The following FAAH2 variants were observed in gnomAD, a reference collection of about 807,000 sequenced individuals.
FAAH2 encodes fatty acid amide hydrolase 2.
FAAH2 carries 60 observed loss-of-function variants against 36.9 expected under a neutral mutation model. The observed-to-expected ratio is 1.63, with a 90% CI of 1.32 to 2.02. The LOEUF is 2.02. Ranked by LOEUF, FAAH2 falls within the 30% of genes most tolerant of loss-of-function variation. FAAH2 has a pLI of 0.00. For missense variants in FAAH2, 689 were observed against 397.5 expected (o/e 1.73, Z -6.23); for synonymous variants, 214 against 143.8 (o/e 1.49, Z -3.49).
intron 3 of FAAH2, among the ~76,000 whole-genome samples, chrX:57,322,865 G>C (rs995055232): frequency 9.2e-6 from 1 of 108,931 alleles, no homozygotes; most frequent in Admixed American, 9.9e-5. Context: ...TAAGTTTTAG[G>C]GTACAGGTGC....
At chrX:57,318,688 T>G (rs1486509190) in intron 3 of FAAH2, among the ~76,000 whole-genome samples, 1 of 111,764 alleles carries the variant, frequency 8.9e-6, no homozygotes, top group Non-Finnish European at 1.9e-5. Flanking sequence ...AGCATCGTCC[T>G]GATAACAAAC....
the FAAH2 span, among the ~76,000 whole-genome samples, chrX:57,174,209 GA>G: frequency 9.2e-6 from 1 of 108,191 alleles, no homozygotes; most frequent in Non-Finnish European, 1.9e-5. Context: ...CTAGCCCCGA[GA>G]TTTTTTTTTT....
chrX:57,458,567 C>T (rs1228839541), intron 10 of FAAH2, among the ~76,000 whole-genome samples: 3 of 112,119 alleles, frequency 2.7e-5, no homozygotes, highest in Non-Finnish European at 3.8e-5. Flanking sequence ...ATAGCAGCTT[C>T]AGTCTGCAGT....
At chrX:57,424,674 A>G (rs1198704078) in intron 7 of FAAH2, among the ~76,000 whole-genome samples, 2 of 112,402 alleles carry the variant, frequency 1.8e-5, no homozygotes, top group African/African-American at 6.5e-5. Context: ...TTAGAAGCAA[A>G]GCCAAACAAC....
At chrX:57,287,525 C>T (rs886192034) in intron 1 of FAAH2, among the ~76,000 whole-genome samples, 1 of 112,168 alleles carries the variant, frequency 8.9e-6, no homozygotes, top group African/African-American at 3.2e-5. Context: ...ATGTGAAATA[C>T]TCTGCCTGGG....
intron 4 of FAAH2, among the ~76,000 whole-genome samples, chrX:57,335,210 G>T (rs918283682): frequency 8.9e-6 from 1 of 111,936 alleles, no homozygotes; most frequent in Non-Finnish European, 1.9e-5. Flanking sequence ...TTCTCGTTAG[G>T]TGGAATGAGA....
chrX:57,480,694 A>G (rs2057363274), intron 10 of FAAH2, among the ~76,000 whole-genome samples: 1 of 110,863 alleles, frequency 9.0e-6, no homozygotes, highest in South Asian at 3.9e-4. Flanking sequence ...TCAATATTGG[A>G]GAATCTGGCG....
chrX:57,263,000 C>A, the FAAH2 span, among the ~76,000 whole-genome samples: 1 of 111,424 alleles, frequency 9.0e-6, no homozygotes, highest in African/African-American at 3.3e-5. Flanking sequence ...CAGCTCACAT[C>A]ACACATAATG....
chrX:57,226,121 G>A, the FAAH2 span, among the ~76,000 whole-genome samples: 1 of 112,100 alleles, frequency 8.9e-6, no homozygotes, highest in African/African-American at 3.2e-5. Flanking sequence ...GGAGCATGTA[G>A]GGTATTTACA....
the FAAH2 span, among the ~76,000 whole-genome samples, chrX:57,230,972 C>G: frequency 1.8e-5 from 2 of 108,639 alleles, no homozygotes; most frequent in African/African-American, 6.7e-5. Context: ...ATGCTATACT[C>G]TATTTTAAAT....
intron 3 of FAAH2, among the ~76,000 whole-genome samples, chrX:57,311,396 C>T (rs1392697944): frequency 1.8e-5 from 2 of 112,207 alleles, no homozygotes; most frequent in Non-Finnish European, 3.8e-5. Context: ...ACTGAGGCCT[C>T]ACCTTCACCA....
intron 7 of FAAH2, among the ~76,000 whole-genome samples, chrX:57,398,066 T>A (rs1401535825): frequency 2.7e-5 from 3 of 112,059 alleles, no homozygotes; most frequent in Non-Finnish European, 3.8e-5. Context: ...TTCCATGGTG[T>A]ATATGTGCCA....
At chrX:57,420,219 T>G (rs1228823545) in intron 7 of FAAH2, among the ~76,000 whole-genome samples, 1 of 94,723 alleles carries the variant, frequency 1.1e-5, no homozygotes, top group South Asian at 4.8e-4. Flanking sequence ...TTTGGTTCCA[T>G]ATGAACTTTA....
chrX:57,440,792 T>G lies in FAAH2; in HGVS notation c.1117-6136T>G, dbSNP rs926449310. Among the ~76,000 whole-genome samples the G allele has an allele frequency of 7.2e-5, 8 of 111,855 alleles. No individual in the cohort carries two copies. In the South Asian group the frequency reaches 3.0e-3, roughly 42 times the overall value. On this transcript the variant is annotated intron_variant, in intron 8 of 10. Transcript: ENST00000374900. ...ACACGTGCCATCAATACCTACTTTA[T>G]GGAGGGTTTTTAGCATGAAGGGCTG...
intron 5 of FAAH2, among the ~76,000 whole-genome samples, chrX:57,353,487 TAAAAAAA>T (rs3035714): frequency 1.2e-5 from 1 of 83,836 alleles, no homozygotes; most frequent in South Asian, 6.6e-4. Flanking sequence ...CCCAAATTAT[TAAAAAAA>T]AAAAAAGAAA....
intron 10 of FAAH2, among the ~76,000 whole-genome samples, chrX:57,473,463 G>T (rs755271757): frequency 1.9e-4 from 21 of 111,430 alleles, no homozygotes; most frequent in South Asian, 7.4e-4. Flanking sequence ...CAATTTTGGA[G>T]AATGTTCCAT....
chrX:57,196,192 G>C, the FAAH2 span, among the ~76,000 whole-genome samples: 1 of 112,148 alleles, frequency 8.9e-6, no homozygotes, highest in African/African-American at 3.2e-5. Flanking sequence ...GCTTTTGGCA[G>C]TATGAACATT....
At chrX:57,384,641 G>C (rs1306800395) in intron 7 of FAAH2, among the ~76,000 whole-genome samples, 4 of 110,779 alleles carry the variant, frequency 3.6e-5, no homozygotes, top group Non-Finnish European at 7.6e-5. Flanking sequence ...TCTCACACCA[G>C]TTAGAATGGC....
intron 8 of FAAH2, among the ~76,000 whole-genome samples, chrX:57,444,658 A>T (rs1452227000): frequency 9.0e-6 from 1 of 111,232 alleles, no homozygotes; most frequent in South Asian, 3.8e-4. Context: ...AAAATCACCC[A>T]TCTTCTGTGT....
Sources: allele counts gnomAD v4.1 joint callset (sites outside exome capture counted in the v4.1 genomes callset), GRCh38; gene constraint gnomAD v4.1.1; transcripts MANE v1.5; gene names NCBI Gene and HGNC (gene_info 2026-07-23, HGNC 2026-07-21).